STEAP4: variants seen among roughly 807,000 people sequenced by gnomAD.
STEAP4 encodes the protein metalloreductase STEAP4.
A neutral mutation model predicts 43.6 loss-of-function variants in STEAP4; 36 were observed. The ratio of observed to expected loss-of-function variants is 0.83; its 90% CI spans 0.63 to 1.09. STEAP4 has a LOEUF of 1.09. Among genes scored for constraint, STEAP4 ranks in the 50% least tolerant of loss-of-function variants. The pLI, the probability that STEAP4 is intolerant of heterozygous loss-of-function variation, is 0.00. For missense variants in STEAP4, 495 were observed against 546.5 expected, an observed-to-expected ratio of 0.91 and a Z score of 0.94; for synonymous variants, 191 against 196.7, an observed-to-expected ratio of 0.97 and a Z score of 0.24.
Position 88,277,632 on chromosome 7 carries a change from G to GGCAA in STEAP4, c.*1765_*1766insTTGC, listed in dbSNP as rs1271471790. 6.6e-6 allele frequency: 1 copy of GGCAA among 152,182 alleles called. No homozygotes were observed. The highest frequency in any genetic ancestry group is 2.4e-5 in the African/African-American group (1 of 41,446). 9.4% of individuals were successfully genotyped at this position (152,182 alleles called of 1,614,324 possible). ...CCCAGTGCTTTGTGAGGCGGAGGCA[G>GGCAA]GCAGATCACTTGACGCCAGCATTTC... On this transcript the variant is annotated 3_prime_UTR_variant, in exon 5 of 5. Coordinates refer to ENST00000380079, the MANE Select transcript of STEAP4 (RefSeq NM_024636.4).
rs1435646159 is a variant in STEAP4 at position 88,279,401 on chromosome 7, G to A, written c.1377C>T (p.His459=). ...IRQGWERNSK[H] is the part of the protein sequence containing the mutation. ...GATTTTCCATTCAATGCTTTTTCTA[G>A]TGTTTTGAGTTCCTTTCCCAGCCCT... The change falls in exon 5 of 5, where the codon CAC becomes CAT. Residue 459 remains histidine (H), a synonymous_variant. Coordinates refer to ENST00000380079, the MANE Select transcript of STEAP4 (RefSeq NM_024636.4). The A allele has an allele frequency of 6.2e-7, 1 of 1,611,996 alleles. No homozygotes were observed. The highest frequency in any genetic ancestry group is 2.2e-5 in the East Asian group (1 of 44,860).
At chr7:88,295,459 G>A (rs1852909136) in intron 1 of STEAP4, among the ~76,000 whole-genome samples, 1 of 152,184 alleles carries the variant, frequency 6.6e-6, no homozygotes, top group African/African-American at 2.4e-5. Flanking sequence ...TGGAGAGTCT[G>A]AATCAACTGG....
At chr7:88,291,331 CA>C (rs919694931) in intron 1 of STEAP4, among the ~76,000 whole-genome samples, 1 of 151,344 alleles carries the variant, frequency 6.6e-6, no homozygotes, top group Non-Finnish European at 1.5e-5. Flanking sequence ...TAAAAATACA[CA>C]AAAAATTAGC....
At chr7:88,280,171 G>T (rs1250392492) in intron 4 of STEAP4, among the ~76,000 whole-genome samples, 2 of 152,150 alleles carry the variant, frequency 1.3e-5, no homozygotes, top group Non-Finnish European at 2.9e-5. Flanking sequence ...GACTGCATTT[G>T]GTCCCTGGGA....
In STEAP4 at chr7:88,282,748, G is replaced by A. The variant is rs1354260772; in HGVS notation, c.877C>T (p.Leu293Phe). The change falls in exon 3 of 5, where the codon CTT becomes TTT. Residue 293 changes from leucine to phenylalanine, a missense_variant. Transcript: ENST00000380079. ...LDHWMLCRKQ[L>F]GLVALGFAFL... ...GCAAATCCCAGAGCTACCAAGCCAA[G>A]CTGCTTTCGGCAAAGCATCCAGTGG... 6.2e-7 allele frequency: 1 copy of A among 1,614,134 alleles called. No individual in the cohort carries two copies. Among genetic ancestry groups the A allele is most frequent in the Non-Finnish European group, 8.5e-7 (1 of 1,180,016 alleles).
chr7:88,303,177 T>C (rs1171880030), intron 1 of STEAP4, among the ~76,000 whole-genome samples: 1 of 132,768 alleles, frequency 7.5e-6, no homozygotes, highest in Non-Finnish European at 1.6e-5. Flanking sequence ...GATCATATAA[T>C]CTGCATTAAA....
At chr7:88,289,732 C>A (rs1852805015) in intron 1 of STEAP4, among the ~76,000 whole-genome samples, 1 of 152,186 alleles carries the variant, frequency 6.6e-6, no homozygotes, top group African/African-American at 2.4e-5. Context: ...CGACTGATAT[C>A]CTGAATGGGT....
chr7:88,298,257 T>C (rs1373419974), intron 1 of STEAP4: 1 of 151,978 alleles, frequency 6.6e-6, no homozygotes, highest in African/African-American at 2.4e-5. Flanking sequence ...GATTATGAAA[T>C]GCTTTTATAT....
In STEAP4 at chr7:88,280,784, A is replaced by C. The variant is rs10265218; in HGVS notation, c.1149+131T>G. ...CAGTCAGGAATCTTGGCGAGTATTAAGAAATCAAATCATTATGGATTCTGC... is the reference window on the plus strand; with the variant it reads ...CAGTCAGGAATCTTGGCGAGTATTACGAAATCAAATCATTATGGATTCTGC... On this transcript the variant is annotated intron_variant, in intron 4 of 4. Coordinates refer to ENST00000380079, the MANE Select transcript of STEAP4 (RefSeq NM_024636.4). 145 of 951,384 alleles carry C rather than the reference A, an allele frequency of 1.5e-4. No homozygotes were observed. The African/African-American group carries it at 2.3e-3, about 15-fold the overall frequency. The allele number at this position is 951,384 out of a possible 1,614,324, so 58.9% of individuals were successfully genotyped here. A position where few individuals can be genotyped will look rare whatever the true frequency, so the allele number is the denominator to read the frequency against.
intron 4 of STEAP4, 110 bp from the exon 5 acceptor site, chr7:88,279,738 T>A: frequency 3.3e-6 from 3 of 896,204 alleles, no homozygotes; most frequent in East Asian, 2.6e-5. Flanking sequence ...TTGAGACCTA[T>A]AATGTTTAGG....
chr7:88,296,352 G>A (rs1852923550), intron 1 of STEAP4, among the ~76,000 whole-genome samples: 1 of 152,112 alleles, frequency 6.6e-6, no homozygotes, highest in Non-Finnish European at 1.5e-5. Flanking sequence ...ACAACCACTA[G>A]TGTAGCACAC....
chr7:88,297,145 A>G (rs558847277), intron 1 of STEAP4, among the ~76,000 whole-genome samples: 2 of 152,298 alleles, frequency 1.3e-5, no homozygotes, highest in East Asian at 1.9e-4. Context: ...TTGATCACCT[A>G]TTGTGTACCA....
In STEAP4 at chr7:88,283,838, T is replaced by C. The variant is rs138727317; in HGVS notation, c.432A>G (p.Ser144=). ...FNTISAWALQ[S]GALDASRQVF... is the part of the protein sequence containing the mutation. ...CCTGCCGACTTGCATCCAGTGCTCC[T>C]GACTGGAGAGCCCAGGCTGAGATGG... Residue 144 remains serine (S), a synonymous_variant, in exon 2 of 5, where the codon TCA becomes TCG. Coordinates refer to ENST00000380079, the MANE Select transcript of STEAP4 (RefSeq NM_024636.4). 1.0e-4 allele frequency: 162 copies of C among 1,613,946 alleles called. 1 individual carries two copies. The East Asian group carries it at 3.3e-3, about 33-fold the overall frequency.
At chr7:88,294,389 A>T (rs28572234) in intron 1 of STEAP4, among the ~76,000 whole-genome samples, 1,598 of 152,192 alleles carry the variant, frequency 0.01, 28 homozygotes, top group African/African-American at 0.037. Flanking sequence ...TATGCAAGTA[A>T]CTTAAAATGA....
Position 88,274,506 on chromosome 7 carries a change from G to A in STEAP4, c.*4892C>T, listed in dbSNP as rs143608441. The A allele has an allele frequency of 2.0e-5, 3 of 152,242 alleles. No homozygotes were observed. The highest frequency in any genetic ancestry group is 4.4e-5 in the Non-Finnish European group (3 of 68,026). The allele number at this position is 152,242 out of a possible 1,614,324, so 9.4% of individuals were successfully genotyped here. On this transcript the variant is annotated 3_prime_UTR_variant, in exon 5 of 5. Coordinates refer to ENST00000380079, the MANE Select transcript of STEAP4 (RefSeq NM_024636.4). Reference sequence around the variant, plus strand: ...GGACTTTGCCTCGAGCTTGAGGAGAGGTAATGCATATGTTACCAGAAAGGG... The same window carrying A: ...GGACTTTGCCTCGAGCTTGAGGAGAAGTAATGCATATGTTACCAGAAAGGG...
intron 1 of STEAP4, chr7:88,290,793 C>T (rs1425707293): frequency 6.6e-6 from 1 of 152,196 alleles, no homozygotes; most frequent in East Asian, 1.9e-4. Flanking sequence ...CAAGGAGAAT[C>T]CACCATGGCC....
rs1170428601 is a variant in STEAP4 at position 88,284,295 on chromosome 7, C to T, written c.-2-24G>A. On this transcript the variant is annotated intron_variant, in intron 1 of 4. Coordinates refer to ENST00000380079, the MANE Select transcript of STEAP4 (RefSeq NM_024636.4). ...AACTGAAAAATAATAACACAAATGC[C>T]CAACAAAATATAAATGCTCTGTGCC... The T allele has an allele frequency of 2.0e-6, 3 of 1,471,392 alleles. No individual in the cohort carries two copies. In the South Asian group the frequency reaches 3.9e-5, roughly 19 times the overall value. The allele number at this position is 1,471,392 out of a possible 1,614,324, so 91.1% of individuals were successfully genotyped here.
Position 88,271,923 on chromosome 7 carries a change from A to C in STEAP4, c.*7475T>G, listed in dbSNP as rs1852442824. On this transcript the variant is annotated 3_prime_UTR_variant, in exon 5 of 5. Coordinates refer to ENST00000380079, the MANE Select transcript of STEAP4 (RefSeq NM_024636.4). ...ATTTTCATGCGTCTCATTATGAATG[A>C]AGTAGAATATATTTTCATATGTTGC... 6.6e-6 allele frequency: 1 copy of C among 152,210 alleles called. No homozygotes were observed. The highest frequency in any genetic ancestry group is 6.5e-5 in the Admixed American group (1 of 15,280). The allele number at this position is 152,210 out of a possible 1,614,324, so 9.4% of individuals were successfully genotyped here.
chr7:88,283,841 C>G lies in STEAP4; in HGVS notation c.429G>C (p.Gln143His), dbSNP rs1852674130. 3 of 1,613,934 alleles carry G rather than the reference C, an allele frequency of 1.9e-6. No homozygotes were observed. In the East Asian group the frequency reaches 6.7e-5, roughly 36 times the overall value. ...AFNTISAWAL[Q>H]SGALDASRQV... is the part of the protein sequence containing the mutation. ...GCCGACTTGCATCCAGTGCTCCTGA[C>G]TGGAGAGCCCAGGCTGAGATGGTGT... Residue 143 changes from glutamine (Q) to histidine (H), a missense_variant, in exon 2 of 5, where the codon CAG (glutamine) becomes CAC (histidine). By Grantham distance (24) the Gln-to-His change is conservative. Transcript: ENST00000380079.
Sources: allele counts gnomAD v4.1 joint callset (sites outside exome capture counted in the v4.1 genomes callset), GRCh38; gene constraint gnomAD v4.1.1; transcripts MANE v1.5; gene names NCBI Gene and HGNC (gene_info 2026-07-23, HGNC 2026-07-21).